DIS3L2: variants seen among roughly 807,000 people sequenced by gnomAD.
DIS3L2 encodes DIS3-like exonuclease 2.
Under a neutral mutation model 97.5 loss-of-function variants are expected in DIS3L2, and 34 were observed. The observed-to-expected ratio is 0.35, with a 90% CI of 0.27 to 0.46. The LOEUF (loss-of-function observed/expected upper bound fraction) is 0.46. DIS3L2 is among the 20% of genes least tolerant of loss of function. DIS3L2 has a pLI of 1.00. For synonymous variants in DIS3L2, 435 were observed against 445.2 expected (o/e 0.98, Z 0.29); for missense variants, 1,038 against 1,146.0 (o/e 0.91, Z 1.36).
At chr2:232,273,491 A>AT (rs1439266063) in intron 13 of DIS3L2, among the ~76,000 whole-genome samples, 1 of 152,220 alleles carries the variant, frequency 6.6e-6, no homozygotes, top group Non-Finnish European at 1.5e-5. Context: ...GATACATATT[A>AT]TGAGCCAGGG....
intron 5 of DIS3L2, among the ~76,000 whole-genome samples, chr2:232,030,658 T>C (rs1694780544): frequency 6.6e-6 from 1 of 152,202 alleles, no homozygotes; most frequent in South Asian, 2.1e-4. Flanking sequence ...GAAAGGAAGA[T>C]ATGGTTTTAG....
At chr2:232,121,900 A>G (rs928897188) in intron 6 of DIS3L2, among the ~76,000 whole-genome samples, 6 of 152,116 alleles carry the variant, frequency 3.9e-5, no homozygotes, top group African/African-American at 1.4e-4. Context: ...TGCCTTCTAC[A>G]TACCTCTCTA....
intron 10 of DIS3L2, among the ~76,000 whole-genome samples, chr2:232,221,564 G>A (rs1692507928): frequency 6.6e-6 from 1 of 152,182 alleles, no homozygotes; most frequent in African/African-American, 2.4e-5. Context: ...AGCACTTTGG[G>A]AGACCAAGGC....
At position 232,269,754 on chromosome 2, in the gene DIS3L2, C is replaced by CAGAG. The variant is rs10685309; in HGVS notation, c.1659+6323_1659+6326dup. On this transcript the variant is annotated intron_variant, in intron 13 of 20. Coordinates refer to ENST00000325385, the MANE Select transcript of DIS3L2 (RefSeq NM_152383.5). This position sits in a 1 kb window ranked among gnomAD's most constrained non-coding sequence, Gnocchi z 4.5. ...GTTCCAGGGTGTGTGGTGTAGGGTG[C>CAGAG]AGAGAGAGAGAGGAGCTAGAGGAGA... is the stretch of plus-strand genomic sequence containing the variant. Among the ~76,000 whole-genome samples the CAGAG allele has an allele frequency of 0.55, 82,801 of 150,868 alleles. 25,324 individuals carry two copies. Among genetic ancestry groups the CAGAG allele is most frequent in the East Asian group, 0.85 (4,322 of 5,098 alleles).
intron 6 of DIS3L2, among the ~76,000 whole-genome samples, chr2:232,088,599 G>T (rs894306724): frequency 6.6e-6 from 1 of 151,736 alleles, no homozygotes; most frequent in Admixed American, 6.6e-5. Flanking sequence ...TTTCTGGTGG[G>T]CATGGATCAC....
chr2:232,206,085 G>A (rs1427731362), intron 9 of DIS3L2, among the ~76,000 whole-genome samples: 2 of 152,202 alleles, frequency 1.3e-5, no homozygotes, highest in African/African-American at 4.8e-5. Context: ...CCTGTGCAGG[G>A]CATTTCAGTG....
intron 3 of DIS3L2, 121 bp downstream of exon 3, chr2:232,015,792 C>A (rs1192355282): frequency 8.7e-7 from 1 of 1,151,804 alleles, no homozygotes; most frequent in East Asian, 2.4e-5. Context: ...AGGTGCAGGG[C>A]TGTTATGATG....
At chr2:232,250,736 G>C (rs71421628) in intron 12 of DIS3L2, among the ~76,000 whole-genome samples, 2 of 152,148 alleles carry the variant, frequency 1.3e-5, no homozygotes, top group African/African-American at 4.8e-5. Context: ...TGACACCTTG[G>C]GGGAGATTGA....
rs1325660913 is a variant in DIS3L2, at chr2:232,086,612, TGTATATATATATATATACAC to T, written c.367-874_367-855del. ...ATATATATATATATATGTGTGTGTGTGTATATATATATATATACACATATATATATATGTATATATATATA... is the reference window on the plus strand; with the variant it reads ...ATATATATATATATATGTGTGTGTGTATATATATATATGTATATATATATA... On this transcript the variant is annotated intron_variant, in intron 5 of 20. Coordinates refer to ENST00000325385, the MANE Select transcript of DIS3L2 (RefSeq NM_152383.5). 3.6e-4 allele frequency among the ~76,000 whole-genome samples: 33 copies of T among 91,152 alleles called. 1 individual carries two copies. Among genetic ancestry groups the T allele is most frequent in the Non-Finnish European group, 4.1e-4 (21 of 50,836 alleles). 59.8% of individuals were successfully genotyped at this position (91,152 alleles called of 152,430 possible). A position where few individuals can be genotyped will look rare whatever the true frequency, so the allele number is the denominator to read the frequency against.
intron 5 of DIS3L2, among the ~76,000 whole-genome samples, chr2:232,043,200 C>T (rs1300342195): frequency 6.6e-6 from 1 of 152,084 alleles, no homozygotes; most frequent in Admixed American, 6.6e-5. Flanking sequence ...TTTGCATTAT[C>T]TTTACTCCAA....
chr2:232,272,330 C>A (rs768349225), intron 13 of DIS3L2, among the ~76,000 whole-genome samples: 10 of 152,186 alleles, frequency 6.6e-5, no homozygotes, highest in Non-Finnish European at 1.5e-4. Flanking sequence ...CCTCAAGCTG[C>A]TTCAGCAATT....
At chr2:232,103,780 A>G (rs1574877805) in intron 6 of DIS3L2, among the ~76,000 whole-genome samples, 1 of 152,200 alleles carries the variant, frequency 6.6e-6, no homozygotes, top group East Asian at 1.9e-4. Context: ...TCATACTTGA[A>G]ACATGGGCTA....
At chr2:231,991,382 CCTA>C (rs555871005) in intron 1 of DIS3L2, among the ~76,000 whole-genome samples, 69 of 152,224 alleles carry the variant, frequency 4.5e-4, no homozygotes, top group African/African-American at 1.6e-3. Flanking sequence ...AAATGATCCT[CCTA>C]CTTCAGTTTT....
chr2:232,155,615 A>G (rs1372725474), intron 8 of DIS3L2, among the ~76,000 whole-genome samples: 1 of 152,034 alleles, frequency 6.6e-6, no homozygotes, highest in African/African-American at 2.4e-5. Flanking sequence ...TTTCTTAATG[A>G]TCTTGGAAAA....
chr2:232,010,973 G>A (rs3100603), intron 1 of DIS3L2, among the ~76,000 whole-genome samples: 122,175 of 152,224 alleles, frequency 0.8, 49,837 homozygotes, highest in African/African-American at 0.94. Flanking sequence ...GGGGAATACA[G>A]AGGTTCTCAA....
At chr2:232,204,700 C>A (rs967103811) in intron 9 of DIS3L2, among the ~76,000 whole-genome samples, 1 of 152,156 alleles carries the variant, frequency 6.6e-6, no homozygotes, top group African/African-American at 2.4e-5. Flanking sequence ...AGACCAAAGC[C>A]TTCCAGAAAA....
At chr2:232,051,578 C>T (rs1362840054) in intron 5 of DIS3L2, among the ~76,000 whole-genome samples, 1 of 151,740 alleles carries the variant, frequency 6.6e-6, no homozygotes, top group Non-Finnish European at 1.5e-5. Flanking sequence ...TTTGGGAGGC[C>T]GAGGCGGGCG....
At chr2:232,333,481 C>T (rs1484193653) in intron 16 of DIS3L2, among the ~76,000 whole-genome samples, 2 of 152,196 alleles carry the variant, frequency 1.3e-5, no homozygotes, top group Non-Finnish European at 2.9e-5. Flanking sequence ...GCTCGTGCCC[C>T]CTACCCTGAC....
chr2:232,028,394 G>A (rs1229955671), intron 4 of DIS3L2, among the ~76,000 whole-genome samples: 1 of 152,090 alleles, frequency 6.6e-6, no homozygotes, highest in Non-Finnish European at 1.5e-5. Context: ...AAGAGATTCA[G>A]CGACAGATCA....
Sources: allele counts gnomAD v4.1 joint callset (sites outside exome capture counted in the v4.1 genomes callset), GRCh38; gene constraint gnomAD v4.1.1; non-coding constraint Gnocchi (gnomAD v3.1); transcripts MANE v1.5; gene names NCBI Gene and HGNC (gene_info 2026-07-23, HGNC 2026-07-21).